GLYATL3: variants seen among roughly 807,000 people sequenced by gnomAD.
GLYATL3 encodes the protein glycine-N-acyltransferase like 3.
In GLYATL3, 31 loss-of-function variants were observed where a neutral mutation model predicts 28.5. The observed-to-expected ratio is 1.09, with a 90% confidence interval of 0.82 to 1.47. The LOEUF (loss-of-function observed/expected upper bound fraction) is 1.47. Ranked by LOEUF, GLYATL3 falls within the 40% of genes most tolerant of loss-of-function variation. The pLI is 0.00. For missense variants in GLYATL3, 369 were observed against 351.5 expected, an observed-to-expected ratio of 1.05 and a Z score of -0.40; for synonymous variants, 141 against 140.2, an observed-to-expected ratio of 1.01 and a Z score of -0.04.
intron 1 of GLYATL3, among the ~76,000 whole-genome samples, chr6:49,508,607 C>A (rs1769058793): frequency 6.6e-6 from 1 of 152,158 alleles, no homozygotes; most frequent in African/African-American, 2.4e-5. Context: ...ATTCCTTTCC[C>A]AGAGCTATGA....
intron 1 of GLYATL3, among the ~76,000 whole-genome samples, chr6:49,505,492 C>T (rs1357379823): frequency 6.6e-6 from 1 of 152,124 alleles, no homozygotes; most frequent in Non-Finnish European, 1.5e-5. Context: ...ATTACTGGAT[C>T]CATCAGTAAA....
rs1312558643 is a variant in GLYATL3 at position 49,527,124 on chromosome 6, T to C, written c.*210T>C. On this transcript the variant is annotated 3_prime_UTR_variant, in exon 6 of 6. Transcript: ENST00000371197. ...TAGCTGTGGGGGTGAAGAGTAGCTG[T>C]GGCTGAAGACTGAGGACGATTGTCC... 1 of 524,908 alleles carries C rather than the reference T, an allele frequency of 1.9e-6. No individual in the cohort carries two copies. The highest frequency in any genetic ancestry group is 1.9e-5 in the African/African-American group (1 of 52,812). 32.5% of individuals were successfully genotyped at this position (524,908 alleles called of 1,614,324 possible). A position where few individuals can be genotyped will look rare whatever the true frequency, so the allele number is the denominator to read the frequency against.
At chr6:49,519,378 G>A (rs1245116617) in intron 4 of GLYATL3, among the ~76,000 whole-genome samples, 1 of 152,178 alleles carries the variant, frequency 6.6e-6, no homozygotes, top group Admixed American at 6.5e-5. Flanking sequence ...AGTAGTAACG[G>A]TCCCTCATTT....
At chr6:49,525,884 C>T (rs796881912) in intron 5 of GLYATL3, among the ~76,000 whole-genome samples, 13 of 152,272 alleles carry the variant, frequency 8.5e-5, no homozygotes, top group African/African-American at 3.1e-4. Flanking sequence ...ATGGAGGGAG[C>T]TGCAGGCCAA....
intron 2 of GLYATL3, 144 bp from the exon 3 acceptor site, chr6:49,515,509 A>G: frequency 2.0e-6 from 1 of 502,338 alleles, no homozygotes; most frequent in Non-Finnish European, 3.6e-6. Context: ...CGTGTCTATT[A>G]TGTGTCTGAA....
chr6:49,522,369 A>T (rs1581873074), intron 5 of GLYATL3, among the ~76,000 whole-genome samples: 2 of 46,756 alleles, frequency 4.3e-5, no homozygotes, highest in South Asian at 1.4e-3. Context: ...CTTTCAAAAC[A>T]CTCATTAGTT....
chr6:49,520,055 T>C (rs1769286141), intron 4 of GLYATL3, among the ~76,000 whole-genome samples: 2 of 152,164 alleles, frequency 1.3e-5, no homozygotes, highest in Non-Finnish European at 2.9e-5. Context: ...CAGAGCAAGA[T>C]GGGAAGTTCC....
At chr6:49,516,122 A>G (rs1392220533) in intron 3 of GLYATL3, among the ~76,000 whole-genome samples, 3 of 151,886 alleles carry the variant, frequency 2.0e-5, no homozygotes, top group Admixed American at 6.6e-5. Flanking sequence ...TTTAGTAGAC[A>G]CTTTAGTAGA....
chr6:49,517,183 AAGAC>A (rs1314199614), intron 3 of GLYATL3, among the ~76,000 whole-genome samples: 2 of 151,318 alleles, frequency 1.3e-5, no homozygotes, highest in Non-Finnish European at 2.9e-5. Context: ...AAAAGAAAGA[AAGAC>A]AAAGAAAAAC....
chr6:49,526,747 C>T lies in GLYATL3; in HGVS notation c.700C>T (p.Leu234=). The T allele has an allele frequency of 1.3e-6, 2 of 1,551,744 alleles. No homozygotes were observed. The highest frequency in any genetic ancestry group is 3.9e-5 in the Admixed American group (2 of 51,008). ...KGYSRLVALT[L]ARKLQSRGFP... ...TTACAGCCGGCTGGTGGCCCTCACG[C>T]TGGCCAGGAAGTTGCAAAGCCGGGG... is the stretch of plus-strand genomic sequence containing the variant. Residue 234 remains leucine (L), a synonymous_variant, in exon 6 of 6, where the codon CTG becomes TTG. Coordinates refer to ENST00000371197, the MANE Select transcript of GLYATL3 (RefSeq NM_001010904.2).
intron 5 of GLYATL3, among the ~76,000 whole-genome samples, chr6:49,523,825 T>C (rs960112336): frequency 6.6e-6 from 1 of 152,234 alleles, no homozygotes; most frequent in Non-Finnish European, 1.5e-5. Context: ...CCTTCATCTT[T>C]ATTTTTTGCA....
At chr6:49,503,706 C>T (rs1442160368) in intron 1 of GLYATL3, among the ~76,000 whole-genome samples, 2 of 152,128 alleles carry the variant, frequency 1.3e-5, no homozygotes, top group Admixed American at 6.6e-5. Flanking sequence ...CACACAGGTC[C>T]TAAAGGCTTA....
chr6:49,500,896 A>G (rs1768900874), intron 1 of GLYATL3, among the ~76,000 whole-genome samples: 1 of 152,236 alleles, frequency 6.6e-6, no homozygotes, highest in African/African-American at 2.4e-5. Context: ...GTGGCATTAA[A>G]AAAATTTCTA....
rs1053047036 is a variant in GLYATL3, at chr6:49,526,781, C to T, written c.734C>T (p.Ser245Phe). The change falls in exon 6 of 6, where the codon TCT becomes TTT. Residue 245 changes from serine to phenylalanine, a missense_variant. Coordinates refer to ENST00000371197, the MANE Select transcript of GLYATL3 (RefSeq NM_001010904.2). Reference protein sequence around the residue: ...ARKLQSRGFPSQGNVLDDNTA... With the variant: ...ARKLQSRGFPFQGNVLDDNTA... ...AAGTTGCAAAGCCGGGGATTCCCCT[C>T]TCAGGGGAACGTCCTGGATGACAAC... 9 of 1,551,768 alleles carry T rather than the reference C, an allele frequency of 5.8e-6. No homozygotes were observed. In the African/African-American group the frequency reaches 1.1e-4, roughly 19 times the overall value.
chr6:49,524,726 T>G (rs9381795), intron 5 of GLYATL3, among the ~76,000 whole-genome samples: 1 of 152,224 alleles, frequency 6.6e-6, no homozygotes, highest in East Asian at 1.9e-4. Flanking sequence ...GGCTCACACC[T>G]GTAATCCCAG....
chr6:49,508,545 T>A (rs2127431577), intron 1 of GLYATL3, among the ~76,000 whole-genome samples: 1 of 152,240 alleles, frequency 6.6e-6, no homozygotes, highest in East Asian at 1.9e-4. Flanking sequence ...ATCTTATCCA[T>A]ATGGACAGGT....
At chr6:49,502,533 A>G (rs1768933612) in intron 1 of GLYATL3, among the ~76,000 whole-genome samples, 2 of 152,230 alleles carry the variant, frequency 1.3e-5, no homozygotes, top group Admixed American at 1.3e-4. Flanking sequence ...ATCACATTGC[A>G]TTTGAAATCT....
chr6:49,508,277 C>T (rs1203619923), intron 1 of GLYATL3, among the ~76,000 whole-genome samples: 2 of 152,140 alleles, frequency 1.3e-5, no homozygotes, highest in African/African-American at 4.8e-5. Flanking sequence ...GCCTGGGCGA[C>T]ACAGTGAGAC....
At position 49,507,613 on chromosome 6, in the gene GLYATL3, C is replaced by G. The variant is rs529966955; in HGVS notation, c.-28-4350C>G. On this transcript the variant is annotated intron_variant, in intron 1 of 5. Transcript: ENST00000371197. ...GGACCTTACTGTCAAGACTGAAGAC[C>G]AGTCGTCATGAACCTGCATTCGGAG... Among the ~76,000 whole-genome samples the G allele has an allele frequency of 1.5e-4, 23 of 152,222 alleles. No individual in the cohort carries two copies. In the South Asian group the frequency reaches 3.9e-3, roughly 26 times the overall value.
Sources: allele counts gnomAD v4.1 joint callset (sites outside exome capture counted in the v4.1 genomes callset), GRCh38; gene constraint gnomAD v4.1.1; transcripts MANE v1.5; gene names NCBI Gene and HGNC (gene_info 2026-07-23, HGNC 2026-07-21).